CIPC: variants seen among roughly 807,000 people sequenced by gnomAD.
CIPC encodes CLOCK-interacting pacemaker.
Under a neutral mutation model 26.7 loss-of-function variants are expected in CIPC, and 12 were observed. That is an observed-to-expected ratio of 0.45 (90% confidence interval 0.29 to 0.73). The LOEUF (loss-of-function observed/expected upper bound fraction) is 0.73, where lower values mean the gene tolerates loss of function less well. CIPC is among the 30% of genes least tolerant of loss of function. The pLI, the probability that CIPC is intolerant of heterozygous loss-of-function variation, is 0.12. For synonymous variants in CIPC, 170 were observed against 189.8 expected, an observed-to-expected ratio of 0.90 and a Z score of 0.86; for missense variants, 417 against 486.5, an observed-to-expected ratio of 0.86 and a Z score of 1.34.
chr14:77,104,791 A>G (rs929026838), intron 1 of CIPC, among the ~76,000 whole-genome samples: 1 of 152,218 alleles, frequency 6.6e-6, no homozygotes, highest in Admixed American at 6.5e-5. Flanking sequence ...TACTTGATTA[A>G]TGACTGTCTC....
At chr14:77,099,643 C>T (rs1167820528) in intron 1 of CIPC, among the ~76,000 whole-genome samples, 1 of 152,202 alleles carries the variant, frequency 6.6e-6, no homozygotes. Flanking sequence ...ATGTTATACA[C>T]GTGACACATT....
Position 77,114,516 on chromosome 14 carries a change from C to G in CIPC, c.*198C>G, listed in dbSNP as rs545864000. Reference sequence around the variant, plus strand: ...GGCACAGGATACATATGTCCCCGTCCCACTGAGGACCTCAGTTTGGGAGTG... The same window carrying G: ...GGCACAGGATACATATGTCCCCGTCGCACTGAGGACCTCAGTTTGGGAGTG... On this transcript the variant is annotated 3_prime_UTR_variant, in exon 4 of 4. Transcript: ENST00000361786. 143 of 570,794 alleles carry G rather than the reference C, an allele frequency of 2.5e-4. No individual in the cohort carries two copies. Among genetic ancestry groups the G allele is most frequent in the African/African-American group, 2.5e-3 (132 of 53,584 alleles). 35.4% of individuals were successfully genotyped at this position (570,794 alleles called of 1,614,324 possible).
intron 1 of CIPC, among the ~76,000 whole-genome samples, chr14:77,101,190 C>T (rs758096798): frequency 3.9e-5 from 6 of 152,104 alleles, no homozygotes; most frequent in Non-Finnish European, 7.4e-5. Context: ...AGCAACTTCC[C>T]GAGGTTTTCA....
chr14:77,109,771 G>T (rs371361427), intron 2 of CIPC, 41 bp from the exon 3 acceptor site: 108 of 1,582,520 alleles, frequency 6.8e-5, no homozygotes, highest in Non-Finnish European at 8.7e-5. Flanking sequence ...AGAGCCCCTA[G>T]TCTAGAGCCT....
At chr14:77,105,570 G>A (rs1886575060) in intron 1 of CIPC, 87 bp from the exon 2 acceptor site, 1 of 855,006 alleles carries the variant, frequency 1.2e-6, no homozygotes, top group Non-Finnish European at 1.8e-6. Flanking sequence ...GGTGAGGCCA[G>A]TGTTCTTTGC....
At chr14:77,111,070 A>G (rs1354589806) in intron 3 of CIPC, among the ~76,000 whole-genome samples, 1 of 152,252 alleles carries the variant, frequency 6.6e-6, no homozygotes, top group Non-Finnish European at 1.5e-5. Flanking sequence ...GAGACAGGAA[A>G]CGGAGCCCAC....
In CIPC at chr14:77,114,564, C is replaced by G. The variant is rs921513287; in HGVS notation, c.*246C>G. 1.5e-5 allele frequency: 7 copies of G among 454,752 alleles called. No homozygotes were observed. The highest frequency in any genetic ancestry group is 2.8e-5 in the Non-Finnish European group (7 of 253,822). 28.2% of individuals were successfully genotyped at this position (454,752 alleles called of 1,614,324 possible). On this transcript the variant is annotated 3_prime_UTR_variant, in exon 4 of 4. Coordinates refer to ENST00000361786, the MANE Select transcript of CIPC (RefSeq NM_033426.3). ...GTGCCCTTGAGCCCCTTTTCCTTAGCCTGCAGGTGCTTCAATGGATCATGG... is the reference window on the plus strand; with the variant it reads ...GTGCCCTTGAGCCCCTTTTCCTTAGGCTGCAGGTGCTTCAATGGATCATGG...
chr14:77,106,090 C>T (rs994982914), intron 2 of CIPC: 14 of 316,490 alleles, frequency 4.4e-5, no homozygotes, highest in African/African-American at 2.6e-4. Flanking sequence ...ACACTTCCAA[C>T]TATTGCAATT....
intron 3 of CIPC, among the ~76,000 whole-genome samples, chr14:77,112,217 GCTT>G (rs545186937): frequency 4.9e-4 from 74 of 152,256 alleles, no homozygotes; most frequent in African/African-American, 1.8e-3. Flanking sequence ...CCTCTGCCTG[GCTT>G]TATCTATACT....
Position 77,116,165 on chromosome 14 carries a change from C to T in CIPC, c.*1847C>T, listed in dbSNP as rs1172273131. ...GTAGAAGTGAACAACTTGGTAACAT[C>T]CCTAGACTCCACTCATGAACGCAGA... On this transcript the variant is annotated 3_prime_UTR_variant, in exon 4 of 4. Coordinates refer to ENST00000361786, the MANE Select transcript of CIPC (RefSeq NM_033426.3). 1 of 152,220 alleles carries T rather than the reference C, an allele frequency of 6.6e-6. No homozygotes were observed. Among genetic ancestry groups the T allele is most frequent in the East Asian group, 1.9e-4 (1 of 5,198 alleles). The allele number at this position is 152,220 out of a possible 1,614,324, so 9.4% of individuals were successfully genotyped here.
chr14:77,110,418 TC>T (rs757728175), intron 3 of CIPC, among the ~76,000 whole-genome samples: 2 of 152,166 alleles, frequency 1.3e-5, no homozygotes, highest in Non-Finnish European at 1.5e-5. Flanking sequence ...AGAGGCAATT[TC>T]CCTGTTTCTT....
chr14:77,114,084 A>T lies in CIPC; in HGVS notation c.966A>T (p.Val322=). 1 of 1,614,156 alleles carries T rather than the reference A, an allele frequency of 6.2e-7. No homozygotes were observed. Reference sequence around the variant, plus strand: ...ATAGGCGCTTTCAGAATACCCTAGTAGTCCTACATAAATCTGGTTTGCTGG... The same window carrying T: ...ATAGGCGCTTTCAGAATACCCTAGTTGTCCTACATAAATCTGGTTTGCTGG... ...SKHRRFQNTL[V]VLHKSGLLEI... Residue 322 remains valine, a synonymous_variant, in exon 4 of 4, where the codon GTA becomes GTT. Coordinates refer to ENST00000361786, the MANE Select transcript of CIPC (RefSeq NM_033426.3).
intron 1 of CIPC, among the ~76,000 whole-genome samples, chr14:77,101,531 G>A (rs778030770): frequency 6.6e-6 from 1 of 152,120 alleles, no homozygotes; most frequent in Non-Finnish European, 1.5e-5. Flanking sequence ...AACTCCCCAG[G>A]ATCTAAATTT....
chr14:77,098,500 G>A (rs1007292095), intron 1 of CIPC, 139 bp downstream of exon 1: 1 of 153,468 alleles, frequency 6.5e-6, no homozygotes, highest in Non-Finnish European at 1.5e-5. Context: ...GGCAAACCGG[G>A]ACTTTCGGAG....
At chr14:77,102,182 G>C (rs1219858748) in intron 1 of CIPC, among the ~76,000 whole-genome samples, 1 of 152,148 alleles carries the variant, frequency 6.6e-6, no homozygotes, top group East Asian at 1.9e-4. Context: ...AATTATTCTT[G>C]ACCTCTGTGT....
rs1886768073 is a variant in CIPC, at chr14:77,114,399, G to A, written c.*81G>A. ...CCTACTCCTGTTTCCCAAAGCTTAT[G>A]TAAGAGCTTTTCCTTCTAAACTTAA... On this transcript the variant is annotated 3_prime_UTR_variant, in exon 4 of 4. Coordinates refer to ENST00000361786, the MANE Select transcript of CIPC (RefSeq NM_033426.3). 2.2e-6 allele frequency: 3 copies of A among 1,393,856 alleles called. No individual in the cohort carries two copies. The highest frequency in any genetic ancestry group is 2.9e-5 in the African/African-American group (2 of 69,202). The allele number at this position is 1,393,856 out of a possible 1,614,324, so 86.3% of individuals were successfully genotyped here. A position where few individuals can be genotyped will look rare whatever the true frequency, so the allele number is the denominator to read the frequency against.
chr14:77,108,448 T>C (rs1886633888), intron 2 of CIPC, among the ~76,000 whole-genome samples: 1 of 152,106 alleles, frequency 6.6e-6, no homozygotes, highest in Non-Finnish European at 1.5e-5. Context: ...TCTCAGCACT[T>C]TGGGAGGCCG....
chr14:77,109,239 A>G lies in CIPC; in HGVS notation c.137-573A>G, dbSNP rs10150832. On this transcript the variant is annotated intron_variant, in intron 2 of 3. Transcript: ENST00000361786. ...AGTAGATCAAGGGAAGGATCCCAAC[A>G]TTTATGGTTTTTTAAAAGTATCACT... Among the ~76,000 whole-genome samples, 233 of 152,332 alleles carry G rather than the reference A, an allele frequency of 1.5e-3. 1 individual carries two copies. Among genetic ancestry groups the G allele is most frequent in the African/African-American group, 5.4e-3 (225 of 41,572 alleles).
rs1299178764 is a variant in CIPC at position 77,114,877 on chromosome 14, T to G, written c.*559T>G. The stretch of plus-strand genomic sequence containing the variant: ...CACCTGGGTGTGAGCACTTAATCAC[T>G]CAACGCTTTGTTTTCTTACACTTGA... On this transcript the variant is annotated 3_prime_UTR_variant, in exon 4 of 4. Coordinates refer to ENST00000361786, the MANE Select transcript of CIPC (RefSeq NM_033426.3). 1.3e-5 allele frequency: 2 copies of G among 153,430 alleles called. No individual in the cohort carries two copies. Among genetic ancestry groups the G allele is most frequent in the African/African-American group, 2.4e-5 (1 of 41,468 alleles). 9.5% of individuals were successfully genotyped at this position (153,430 alleles called of 1,614,324 possible).
Sources: allele counts gnomAD v4.1 joint callset (sites outside exome capture counted in the v4.1 genomes callset), GRCh38; gene constraint gnomAD v4.1.1; transcripts MANE v1.5; gene names NCBI Gene and HGNC (gene_info 2026-07-23, HGNC 2026-07-21).